The following ARHGEF9 variants were observed in gnomAD, a reference collection of about 807,000 sequenced individuals.
ARHGEF9 encodes rho guanine nucleotide exchange factor 9.
A neutral mutation model predicts 41.3 loss-of-function variants in ARHGEF9; 2 were observed. The observed-to-expected ratio is 0.05, with a 90% CI of 0.02 to 0.15. The LOEUF (loss-of-function observed/expected upper bound fraction) is 0.15, where lower values mean the gene tolerates loss of function less well. ARHGEF9 is among the 10% of genes least tolerant of loss of function. ARHGEF9 has a pLI of 1.00. For synonymous variants in ARHGEF9, 160 were observed against 154.4 expected (o/e 1.04, Z -0.27); for missense variants, 225 against 424.7 (o/e 0.53, Z 4.13).
At chrX:63,780,764 G>C (rs2056367493) in intron 1 of ARHGEF9, among the ~76,000 whole-genome samples, 1 of 111,522 alleles carries the variant, frequency 9.0e-6, no homozygotes, top group Admixed American at 9.5e-5. Flanking sequence ...CATGGAAGTT[G>C]ACTCAGAGAG....
At chrX:63,732,875 C>T (rs1556420872) in intron 1 of ARHGEF9, among the ~76,000 whole-genome samples, 2 of 111,734 alleles carry the variant, frequency 1.8e-5, no homozygotes, top group African/African-American at 6.5e-5. Flanking sequence ...AATGGTTACA[C>T]GTAGCGACAC....
chrX:63,754,743 G>A (rs1556445077), intron 1 of ARHGEF9: 2 of 950,633 alleles, frequency 2.1e-6, no homozygotes, highest in Admixed American at 5.3e-5. Flanking sequence ...GTTTAGTCGG[G>A]GGAGGGGAGG....
At chrX:63,665,801 G>T in intron 7 of ARHGEF9, 85 bp downstream of exon 7, 1 of 1,130,493 alleles carries the variant, frequency 8.8e-7, no homozygotes, top group African/African-American at 1.8e-5. Context: ...TGCCCACTTT[G>T]TTGGGAGCCT....
chrX:63,684,160 C>T (rs1158928273), intron 4 of ARHGEF9, among the ~76,000 whole-genome samples: 3 of 108,762 alleles, frequency 2.8e-5, no homozygotes, highest in Non-Finnish European at 1.9e-5. Flanking sequence ...CATCACTTCA[C>T]AGCAAAAAAA....
At chrX:63,783,929 G>A (rs781940762) in intron 1 of ARHGEF9, among the ~76,000 whole-genome samples, 1 of 111,931 alleles carries the variant, frequency 8.9e-6, no homozygotes, top group South Asian at 3.8e-4. Flanking sequence ...CATATGAACC[G>A]GATGCCCTTA....
chrX:63,745,704 C>T (rs1474591036), intron 1 of ARHGEF9, among the ~76,000 whole-genome samples: 1 of 111,542 alleles, frequency 9.0e-6, no homozygotes, highest in Non-Finnish European at 1.9e-5. Context: ...ACTTTAATAT[C>T]TGCCCCTAAG....
intron 1 of ARHGEF9, among the ~76,000 whole-genome samples, chrX:63,780,731 C>A (rs149535991): frequency 1.1e-3 from 128 of 111,699 alleles, no homozygotes; most frequent in African/African-American, 4.1e-3. Flanking sequence ...TTTTATTTAT[C>A]CTTTAATCGA....
chrX:63,712,133 G>A (rs190938864), intron 2 of ARHGEF9, among the ~76,000 whole-genome samples: 32 of 111,960 alleles, frequency 2.9e-4, no homozygotes, highest in Admixed American at 1.5e-3. Flanking sequence ...AAGTATTGAC[G>A]AGCATGTGAA....
intron 7 of ARHGEF9, among the ~76,000 whole-genome samples, chrX:63,659,044 G>A (rs782621601): frequency 8.9e-6 from 1 of 112,456 alleles, no homozygotes; most frequent in African/African-American, 3.2e-5. Flanking sequence ...GACACCAATT[G>A]TGAAGGCCCT....
intron 1 of ARHGEF9, among the ~76,000 whole-genome samples, chrX:63,739,103 T>A (rs1556425041): frequency 9.0e-6 from 1 of 111,450 alleles, no homozygotes; most frequent in Non-Finnish European, 1.9e-5. Context: ...ATTAGCACAA[T>A]CCTCCAGAGA....
At chrX:63,676,485 G>GT (rs1344266787) in intron 5 of ARHGEF9, among the ~76,000 whole-genome samples, 1 of 112,152 alleles carries the variant, frequency 8.9e-6, no homozygotes, top group Non-Finnish European at 1.9e-5. Flanking sequence ...CTCTACATTT[G>GT]TTTCTGTTAC....
intron 1 of ARHGEF9, chrX:63,755,825 T>G: frequency 1.3e-6 from 1 of 752,631 alleles, no homozygotes; most frequent in African/African-American, 2.3e-5. Flanking sequence ...CTGATACCAC[T>G]GCCCTTACCT....
intron 3 of ARHGEF9, among the ~76,000 whole-genome samples, chrX:63,701,277 G>A (rs2052148700): frequency 1.8e-5 from 2 of 110,914 alleles, no homozygotes; most frequent in African/African-American, 3.3e-5. Context: ...AGACCTCAGT[G>A]TCTCTGTCTC....
At chrX:63,672,876 G>GA (rs1401659043) in intron 6 of ARHGEF9, among the ~76,000 whole-genome samples, 1 of 111,884 alleles carries the variant, frequency 8.9e-6, no homozygotes, top group Non-Finnish European at 1.9e-5. Context: ...CCAACACAAG[G>GA]AAAAAAGGAC....
chrX:63,682,133 CAATAAATAAATA>C (rs572010099), intron 4 of ARHGEF9, among the ~76,000 whole-genome samples: 65 of 101,533 alleles, frequency 6.4e-4, no homozygotes, highest in African/African-American at 1.2e-3. Context: ...TTAAACTCTT[CAATAAATAAATA>C]AATAAATAAA....
At chrX:63,735,685 A>C (rs2054575669) in intron 1 of ARHGEF9, among the ~76,000 whole-genome samples, 1 of 111,545 alleles carries the variant, frequency 9.0e-6, no homozygotes, top group Non-Finnish European at 1.9e-5. Flanking sequence ...TGAAGCAGGA[A>C]AAATGAATAT....
At chrX:63,701,368 T>G (rs2052158014) in intron 3 of ARHGEF9, 1 of 110,738 alleles carries the variant, frequency 9.0e-6, no homozygotes, top group Admixed American at 9.6e-5. Flanking sequence ...TTTTTTTTTT[T>G]GCCTGGAACC....
At chrX:63,735,834 G>A (rs1348636041) in intron 1 of ARHGEF9, among the ~76,000 whole-genome samples, 1 of 111,851 alleles carries the variant, frequency 8.9e-6, no homozygotes, top group Non-Finnish European at 1.9e-5. Context: ...GCCCAGAGAG[G>A]ACATCTGCAT....
chrX:63,722,957 G>A (rs2053726193), intron 2 of ARHGEF9: 1 of 111,691 alleles, frequency 9.0e-6, no homozygotes, highest in African/African-American at 3.3e-5. Context: ...AAGGGAATGA[G>A]AGGTAATTTT....
Sources: allele counts gnomAD v4.1 joint callset (sites outside exome capture counted in the v4.1 genomes callset), GRCh38; gene constraint gnomAD v4.1.1; transcripts MANE v1.5; gene names NCBI Gene and HGNC (gene_info 2026-07-23, HGNC 2026-07-21).